Variants in PCDH15 observed in about 807,000 individuals in gnomAD.
The protein encoded by PCDH15 is protocadherin related 15.
Under a neutral mutation model 178.5 loss-of-function variants are expected in PCDH15, and 129 were observed. The observed-to-expected ratio is 0.72, with a 90% CI of 0.63 to 0.84. The LOEUF is 0.84. Among genes scored for constraint, PCDH15 ranks in the 40% least tolerant of loss-of-function variants. The probability of loss-of-function intolerance (pLI) is 0.00; values close to 1 mark genes in which losing one functional copy is unlikely to be tolerated. For synonymous variants in PCDH15, 800 were observed against 732.0 expected (o/e 1.09, Z -1.50); for missense variants, 2,230 against 2,099.9 (o/e 1.06, Z -1.21).
At chr10:54,021,739 G>GT (rs2135303167) in intron 19 of PCDH15, among the ~76,000 whole-genome samples, 1 of 151,890 alleles carries the variant, frequency 6.6e-6, no homozygotes, top group African/African-American at 2.4e-5. Context: ...GAGGACCTAC[G>GT]TTTTAACTAC....
At chr10:54,462,324 C>T (rs2077217266) in intron 3 of PCDH15, among the ~76,000 whole-genome samples, 1 of 151,474 alleles carries the variant, frequency 6.6e-6, no homozygotes, top group South Asian at 2.1e-4. Flanking sequence ...AAAATGAAAT[C>T]CTATCTTACT....
chr10:55,442,745 G>A (rs920144891), intron 2 of PCDH15, among the ~76,000 whole-genome samples: 7 of 151,582 alleles, frequency 4.6e-5, no homozygotes, highest in African/African-American at 1.7e-4. Flanking sequence ...GTGAATGCAC[G>A]GATGCTCATT....
At chr10:55,461,175 C>G (rs1377748518) in intron 2 of PCDH15, among the ~76,000 whole-genome samples, 1 of 152,118 alleles carries the variant, frequency 6.6e-6, no homozygotes, top group Non-Finnish European at 1.5e-5. Flanking sequence ...AGCTTTCTCT[C>G]CGTATGGCCT....
intron 8 of PCDH15, among the ~76,000 whole-genome samples, chr10:54,239,042 A>C (rs2054945054): frequency 6.6e-6 from 1 of 152,118 alleles, no homozygotes; most frequent in African/African-American, 2.4e-5. Context: ...TTTCCTAAAC[A>C]ATTTTTGCTA....
At chr10:55,234,587 C>T (rs904393181) in intron 1 of PCDH15, among the ~76,000 whole-genome samples, 17 of 151,818 alleles carry the variant, frequency 1.1e-4, no homozygotes, top group African/African-American at 4.1e-4. Flanking sequence ...CACCATGTTG[C>T]CGAGGCCATC....
chr10:54,835,005 T>G (rs1348245732), intron 3 of PCDH15, among the ~76,000 whole-genome samples: 1 of 152,174 alleles, frequency 6.6e-6, no homozygotes, highest in African/African-American at 2.4e-5. Flanking sequence ...ATTAACTGCA[T>G]TGTTCATGCC....
At chr10:54,650,860 T>G (rs1347535585) in intron 2 of PCDH15, among the ~76,000 whole-genome samples, 1 of 152,124 alleles carries the variant, frequency 6.6e-6, no homozygotes, top group Non-Finnish European at 1.5e-5. Context: ...AGTTCCCTCC[T>G]AGAGCACATG....
rs377443345 is a variant in PCDH15 at position 54,539,588 on chromosome 10, G to A, written c.92-11711C>T. 9.9e-4 allele frequency among the ~76,000 whole-genome samples: 150 copies of A among 152,210 alleles called. 2 individuals are homozygous for A. Among genetic ancestry groups the A allele is most frequent in the South Asian group, 8.3e-4 (4 of 4,826 alleles). ...CAAATCATTGAGTCAGAAAACTTCC[G>A]CAGAAATTCTGGAATTAAATTTGAC... On this transcript the variant is annotated intron_variant, in intron 2 of 37. Coordinates refer to ENST00000644397, the MANE Select transcript of PCDH15 (RefSeq NM_001384140.1).
At chr10:55,403,680 G>A (rs1326623259) in intron 2 of PCDH15, among the ~76,000 whole-genome samples, 1 of 151,774 alleles carries the variant, frequency 6.6e-6, no homozygotes, top group African/African-American at 2.4e-5. Flanking sequence ...ATTGGTCTAG[G>A]TGTCTGTTTT....
chr10:53,821,071 G>A (rs2076244984), intron 32 of PCDH15: 2 of 961,726 alleles, frequency 2.1e-6, no homozygotes, highest in African/African-American at 3.5e-5. Flanking sequence ...TTAAGCATCT[G>A]TTGGAACAAT....
At chr10:53,824,463 G>A (rs1241530330) in intron 32 of PCDH15, among the ~76,000 whole-genome samples, 1 of 152,120 alleles carries the variant, frequency 6.6e-6, no homozygotes, top group Non-Finnish European at 1.5e-5. Flanking sequence ...TGAAAAATTA[G>A]GGTGATAGTT....
chr10:54,333,460 A>G (rs1940306232), intron 6 of PCDH15, among the ~76,000 whole-genome samples: 1 of 152,026 alleles, frequency 6.6e-6, no homozygotes, highest in Non-Finnish European at 1.5e-5. Flanking sequence ...TGGTATCTTT[A>G]TGATAGTCTT....
At chr10:55,240,149 C>T (rs1841502179) in intron 1 of PCDH15, among the ~76,000 whole-genome samples, 1 of 152,088 alleles carries the variant, frequency 6.6e-6, no homozygotes, top group Non-Finnish European at 1.5e-5. Flanking sequence ...AATAGAACTA[C>T]CATATGATCC....
intron 20 of PCDH15, among the ~76,000 whole-genome samples, chr10:54,011,980 G>T (rs2092601482): frequency 6.6e-6 from 1 of 152,090 alleles, no homozygotes; most frequent in Non-Finnish European, 1.5e-5. Flanking sequence ...AATATGGGTA[G>T]GAATGAAAAT....
At chr10:54,927,557 G>C (rs1290744059) in intron 2 of PCDH15, among the ~76,000 whole-genome samples, 1 of 139,798 alleles carries the variant, frequency 7.2e-6, no homozygotes, top group Non-Finnish European at 1.7e-5. Context: ...TACTATTATT[G>C]TGTGAGAGTC....
chr10:54,353,651 G>GT (rs35280504), intron 5 of PCDH15, among the ~76,000 whole-genome samples: 9,212 of 151,334 alleles, frequency 0.061, 894 homozygotes, highest in African/African-American at 0.21. Context: ...TCAACTTAAT[G>GT]TTTTTTTTGT....
intron 1 of PCDH15, among the ~76,000 whole-genome samples, chr10:54,719,145 T>TA (rs35178923): frequency 0.58 from 86,511 of 148,308 alleles, 26,245 homozygotes; most frequent in Middle Eastern, 0.73. Context: ...TTCAGAATAT[T>TA]AAAAAAGGGT....
chr10:55,182,194 G>A (rs1450319398), intron 1 of PCDH15, among the ~76,000 whole-genome samples: 1 of 151,908 alleles, frequency 6.6e-6, no homozygotes, highest in African/African-American at 2.4e-5. Flanking sequence ...TAGTAACTGT[G>A]CCATGTTATT....
At chr10:55,237,324 T>C (rs532356949) in intron 1 of PCDH15, among the ~76,000 whole-genome samples, 25 of 152,162 alleles carry the variant, frequency 1.6e-4, no homozygotes, top group Non-Finnish European at 3.4e-4. Context: ...TAATTTGTAT[T>C]TCTAGCTCAG....
Sources: gnomAD v4.1 joint callset for allele counts (sites outside exome capture counted in the v4.1 genomes callset) on GRCh38, gnomAD v4.1.1 for gene constraint, MANE v1.5 for transcripts, NCBI Gene and HGNC (gene_info 2026-07-23, HGNC 2026-07-21) for gene names.